Variants in GRHL3 observed in about 807,000 individuals in gnomAD.
The protein encoded by GRHL3 is grainyhead-like protein 3 homolog.
GRHL3 carries 20 observed loss-of-function variants against 70.3 expected under a neutral mutation model. The observed-to-expected ratio is 0.28, with a 90% CI of 0.20 to 0.41. The LOEUF is 0.41. Among genes scored for constraint, GRHL3 ranks in the 10% least tolerant of loss-of-function variants. The pLI, the probability that GRHL3 is intolerant of heterozygous loss-of-function variation, is 1.00. For synonymous variants in GRHL3, 299 were observed against 299.9 expected (o/e 1.00, Z 0.03); for missense variants, 637 against 762.3 (o/e 0.84, Z 1.94).
chr1:24,346,718 C>T (rs894854152), intron 13 of GRHL3, 77 bp downstream of exon 13: 3 of 1,160,376 alleles, frequency 2.6e-6, no homozygotes, highest in Middle Eastern at 1.9e-4. Context: ...CCCAAAGCCT[C>T]CTTGGGGTGG....
intron 1 of GRHL3, 122 bp from the exon 2 acceptor site, chr1:24,331,304 A>G (rs1639595486): frequency 5.8e-6 from 5 of 857,272 alleles, no homozygotes; most frequent in South Asian, 5.8e-5. Flanking sequence ...ATGGTGGCAG[A>G]AGAGGCAGTT....
chr1:24,332,563 C>T (rs1274887756), intron 2 of GRHL3, among the ~76,000 whole-genome samples: 2 of 152,146 alleles, frequency 1.3e-5, no homozygotes, highest in Non-Finnish European at 2.9e-5. Flanking sequence ...TGTAGTAATC[C>T]AGGTAGGCCC....
downstream of GRHL3, among the ~76,000 whole-genome samples, chr1:24,355,886 CT>C (rs1220181431): frequency 3.0e-5 from 4 of 135,386 alleles, no homozygotes; most frequent in Non-Finnish European, 6.5e-5. Flanking sequence ...GGCTTGCTTT[CT>C]TTTCATTTAT....
rs1292906381 is a variant in GRHL3 at position 24,321,655 on chromosome 1, G to GT, written c.17+2088dup. On this transcript the variant is annotated intron_variant, in intron 1 of 15. Transcript: ENST00000361548. This position sits in a 1 kb window ranked among gnomAD's most constrained non-coding sequence, Gnocchi z 4.0. Reference sequence around the variant, plus strand: ...TGACCCTCAGTCTGCTCATCTGTCTGTAACACCTACCTGGCAGGAACAACT... The same window carrying GT: ...TGACCCTCAGTCTGCTCATCTGTCTGTTAACACCTACCTGGCAGGAACAACT... 1 of 152,314 alleles carries GT rather than the reference G, an allele frequency of 6.6e-6. No individual in the cohort carries two copies. The highest frequency in any genetic ancestry group is 1.9e-4 in the East Asian group (1 of 5,194). The allele number at this position is 152,314 out of a possible 1,614,324, so 9.4% of individuals were successfully genotyped here.
intron 11 of GRHL3, 157 bp downstream of exon 11, chr1:24,343,182 C>A: frequency 1.4e-6 from 1 of 716,860 alleles, no homozygotes; most frequent in Non-Finnish European, 2.3e-6. Context: ...ATATATGGTC[C>A]TATAGCTTCA....
chr1:24,334,956 G>C lies in GRHL3; in HGVS notation c.266+250G>C, dbSNP rs1482481739. On this transcript the variant is annotated intron_variant, in intron 3 of 15. Coordinates refer to ENST00000361548, the MANE Select transcript of GRHL3 (RefSeq NM_198173.3). This position sits in a 1 kb window ranked among gnomAD's most constrained non-coding sequence, Gnocchi z 4.3. ...AAAGATATTTTTAAATGTTTTGGAAGAGGCCAGTGAAGGCAGAGCCTAGGG... is the reference window on the plus strand; with the variant it reads ...AAAGATATTTTTAAATGTTTTGGAACAGGCCAGTGAAGGCAGAGCCTAGGG... 5.9e-5 allele frequency among the ~76,000 whole-genome samples: 9 copies of C among 151,412 alleles called. No individual in the cohort carries two copies. The highest frequency in any genetic ancestry group is 3.9e-4 in the Admixed American group (6 of 15,194).
exon 16 of GRHL3, chr1:24,364,252 C>G (rs1391250087): frequency 9.0e-6 from 14 of 1,548,618 alleles, no homozygotes; most frequent in African/African-American, 1.4e-5. Context: ...ATGTTCCCAT[C>G]CTGTGACTCA....
chr1:24,346,362 G>A lies in GRHL3; in HGVS notation c.1455-191G>A, dbSNP rs563776534. 1.1e-4 allele frequency among the ~76,000 whole-genome samples: 17 copies of A among 152,294 alleles called. No individual in the cohort carries two copies. In the South Asian group the frequency reaches 2.5e-3, roughly 22 times the overall value. On this transcript the variant is annotated intron_variant, in intron 12 of 15. Coordinates refer to ENST00000361548, the MANE Select transcript of GRHL3 (RefSeq NM_198173.3). ...CTCACCCAGGTCACACACCTAGTGC[G>A]TGGCAGGGCTGGGATTCAAACCCAG...
At chr1:24,326,395 A>ACCCCTCTTCTCCTCCC (rs1639391403) in intron 1 of GRHL3, among the ~76,000 whole-genome samples, 2 of 57,540 alleles carry the variant, frequency 3.5e-5, no homozygotes, top group Admixed American at 2.1e-4. Context: ...CTTCTCCTCC[A>ACCCCTCTTCTCCTCCC]CCCCTATTCC....
At chr1:24,337,912 A>G in intron 6 of GRHL3, 80 bp from the exon 7 acceptor site, 1 of 1,550,594 alleles carries the variant, frequency 6.4e-7, no homozygotes, top group Non-Finnish European at 8.8e-7. Flanking sequence ...AGGGTTGGGG[A>G]AACTGAGGCA....
chr1:24,350,901 T>A lies in GRHL3; in HGVS notation c.1694+779T>A, dbSNP rs10903079. ...CAGAAGATCCCTTGGGAAAGGGAGGTAGGGTCACATGGTAACTGTCCTCCA... is the reference window on the plus strand; with the variant it reads ...CAGAAGATCCCTTGGGAAAGGGAGGAAGGGTCACATGGTAACTGTCCTCCA... On this transcript the variant is annotated intron_variant, in intron 15 of 15. Coordinates refer to ENST00000361548, the MANE Select transcript of GRHL3 (RefSeq NM_198173.3). 4.9e-3 allele frequency among the ~76,000 whole-genome samples: 751 copies of A among 152,078 alleles called. 3 individuals carry two copies. Among genetic ancestry groups the A allele is most frequent in the Non-Finnish European group, 8.2e-3 (558 of 67,962 alleles).
intron 1 of GRHL3, among the ~76,000 whole-genome samples, chr1:24,331,182 T>TGA (rs1639590924): frequency 6.6e-6 from 1 of 152,234 alleles, no homozygotes; most frequent in Non-Finnish European, 1.5e-5. Context: ...GATGATGGCC[T>TGA]TCATGCTGTG....
chr1:24,330,934 C>T (rs1164398443), intron 1 of GRHL3, among the ~76,000 whole-genome samples: 1 of 152,244 alleles, frequency 6.6e-6, no homozygotes, highest in African/African-American at 2.4e-5. Flanking sequence ...CTCGCCCTGG[C>T]TCTCTCTGTC....
In GRHL3 at chr1:24,363,866, T is replaced by C. The variant is rs1277340534; in HGVS notation, c.1695-319T>C. On this transcript the variant is annotated intron_variant, in intron 15 of 15. Transcript: ENST00000350501. ...AAAGCTGTAGCTGTTATGGCAGGAA[T>C]TGGGACACAAGGAGACAGACGCTGA... Among the ~76,000 whole-genome samples the C allele has an allele frequency of 6.6e-5, 10 of 152,122 alleles. No homozygotes were observed. The East Asian group carries it at 1.9e-3, about 29-fold the overall frequency.
Position 24,319,370 on chromosome 1 carries a change from T to C in GRHL3, c.-182T>C, listed in dbSNP as rs1043839527. 6.0e-6 allele frequency: 4 copies of C among 668,578 alleles called. No homozygotes were observed. The highest frequency in any genetic ancestry group is 5.3e-5 in the African/African-American group (3 of 56,492). The allele number at this position is 668,578 out of a possible 1,614,324, so 41.4% of individuals were successfully genotyped here. A position where few individuals can be genotyped will look rare whatever the true frequency, so the allele number is the denominator to read the frequency against. ...AGGTATACCTCCAGTCGCCGGCACC[T>C]GTACCTGTAGCCAATCAGCGCCAGC... On this transcript the variant is annotated 5_prime_UTR_variant, in exon 1 of 16. Transcript: ENST00000361548.
At chr1:24,335,535 A>G (rs72878817) in intron 3 of GRHL3, among the ~76,000 whole-genome samples, 3,545 of 151,394 alleles carry the variant, frequency 0.023, 144 homozygotes, top group African/African-American at 0.082. Context: ...AGTCCCCTCC[A>G]CTGCCAGGAA....
At chr1:24,333,182 C>A (rs540635079) in intron 2 of GRHL3, among the ~76,000 whole-genome samples, 12 of 152,316 alleles carry the variant, frequency 7.9e-5, no homozygotes, top group Non-Finnish European at 1.6e-4. Flanking sequence ...GTGAGATACA[C>A]CTGCCCTGGC....
intron 15 of GRHL3, chr1:24,364,173 A>G: frequency 6.1e-6 from 9 of 1,487,058 alleles, no homozygotes; most frequent in Non-Finnish European, 8.1e-6. Flanking sequence ...TGACGTTCTC[A>G]CTTTCTTCCA....
At chr1:24,349,532 A>G (rs147875795) in intron 14 of GRHL3, among the ~76,000 whole-genome samples, 2 of 152,350 alleles carry the variant, frequency 1.3e-5, no homozygotes, top group African/African-American at 4.8e-5. Flanking sequence ...TAAGTGTTTA[A>G]TGTGGATCAA....
Sources: gnomAD v4.1 joint callset for allele counts (sites outside exome capture counted in the v4.1 genomes callset) on GRCh38, gnomAD v4.1.1 for gene constraint, Gnocchi (gnomAD v3.1) non-coding constraint, MANE v1.5 for transcripts, NCBI Gene and HGNC (gene_info 2026-07-23, HGNC 2026-07-21) for gene names.